Variants in MEIS2 observed in about 807,000 individuals in gnomAD.
MEIS2 encodes the protein homeobox protein Meis2.
In MEIS2, 9 loss-of-function variants were observed where a neutral mutation model predicts 58.6. The observed-to-expected ratio is 0.15, with a 90% CI of 0.09 to 0.27. The LOEUF (loss-of-function observed/expected upper bound fraction) is 0.27, where lower values mean the gene tolerates loss of function less well. Among genes scored for constraint, MEIS2 ranks in the 10% least tolerant of loss-of-function variants. The pLI is 1.00. For synonymous variants in MEIS2, 221 were observed against 228.4 expected (o/e 0.97, Z 0.29); for missense variants, 427 against 635.0 (o/e 0.67, Z 3.52).
chr15:37,027,890 C>T (rs1202309615), intron 8 of MEIS2, among the ~76,000 whole-genome samples: 1 of 152,058 alleles, frequency 6.6e-6, no homozygotes, highest in Non-Finnish European at 1.5e-5. Flanking sequence ...TATCAACACC[C>T]CCTACCGGAG....
chr15:37,070,173 T>C (rs1224823511), intron 7 of MEIS2, among the ~76,000 whole-genome samples: 2 of 152,122 alleles, frequency 1.3e-5, no homozygotes, highest in Non-Finnish European at 2.9e-5. Context: ...CAATGAAGAA[T>C]AACTACATGG....
chr15:37,025,591 CA>C (rs1035178174), intron 8 of MEIS2, among the ~76,000 whole-genome samples: 1 of 151,864 alleles, frequency 6.6e-6, no homozygotes, highest in African/African-American at 2.4e-5. Flanking sequence ...CACAGAGGTC[CA>C]ACCATAGAGT....
chr15:36,903,071 C>G (rs987773481), intron 9 of MEIS2, among the ~76,000 whole-genome samples: 1 of 152,052 alleles, frequency 6.6e-6, no homozygotes, highest in Non-Finnish European at 1.5e-5. Flanking sequence ...ACTGTAGGGA[C>G]CTTTTAATTA....
intron 8 of MEIS2, among the ~76,000 whole-genome samples, chr15:36,986,668 G>A (rs2060102812): frequency 6.6e-6 from 1 of 152,186 alleles, no homozygotes; most frequent in African/African-American, 2.4e-5. Context: ...AGAGGACCGA[G>A]TCCCAACTCC....
chr15:36,940,658 T>C (rs2058342914), intron 9 of MEIS2, among the ~76,000 whole-genome samples: 1 of 152,142 alleles, frequency 6.6e-6, no homozygotes, highest in Admixed American at 6.5e-5. Flanking sequence ...GTAATGAGAA[T>C]AGAGCCAGGG....
intron 7 of MEIS2, among the ~76,000 whole-genome samples, chr15:37,071,881 T>C (rs939713433): frequency 1.3e-5 from 2 of 152,128 alleles, no homozygotes; most frequent in African/African-American, 4.8e-5. Context: ...TTGACAACTT[T>C]GCATGTGCAA....
intron 8 of MEIS2, among the ~76,000 whole-genome samples, chr15:37,001,002 A>G (rs1451321106): frequency 6.6e-6 from 1 of 152,010 alleles, no homozygotes; most frequent in Non-Finnish European, 1.5e-5. Flanking sequence ...TGACTTCCTC[A>G]CGACCAAATT....
Position 36,892,350 on chromosome 15 carries a change from T to C in MEIS2, c.1257A>G (p.Leu419=). 6.2e-7 allele frequency: 1 copy of C among 1,613,844 alleles called. No homozygotes were observed. Residue 419 remains leucine (L), a synonymous_variant, in exon 12 of 12, where the codon TTA becomes TTG. Transcript: ENST00000561208. ...PPQMTPHPTQ[L]RHGPPMHSYL... ...ATGAATGCATTGGGGGTCCATGTCTTAATTGAGTAGGGTGTGGGGTCATCT... is the reference window on the plus strand; with the variant it reads ...ATGAATGCATTGGGGGTCCATGTCTCAATTGAGTAGGGTGTGGGGTCATCT...
chr15:36,904,087 C>A (rs1205222913), intron 9 of MEIS2: 3 of 152,184 alleles, frequency 2.0e-5, no homozygotes, highest in African/African-American at 7.2e-5. Context: ...GCAAAAATGT[C>A]ACTCCTTTGA....
At chr15:37,018,440 A>T (rs2141664058) in intron 8 of MEIS2, among the ~76,000 whole-genome samples, 1 of 152,328 alleles carries the variant, frequency 6.6e-6, no homozygotes, top group East Asian at 1.9e-4. Context: ...ATATTATGCA[A>T]CTTCAATCTA....
intron 3 of MEIS2, 175 bp from the exon 4 acceptor site, chr15:37,095,789 A>C (rs191242465): frequency 2.3e-6 from 2 of 883,206 alleles, no homozygotes; most frequent in Non-Finnish European, 3.4e-6. Context: ...GAATCAGGGC[A>C]TTCTGGTCCT....
rs577493199 is a variant in MEIS2 at position 36,991,790 on chromosome 15, T to TC, written c.901-41391_901-41390insG. ...AATTTTCTTTTTTTTTTTCTTTTTT[T>TC]TTTTTTTTTTTTTTTGAGACGGAGT... On this transcript the variant is annotated intron_variant, in intron 8 of 11. Transcript: ENST00000561208. Among the ~76,000 whole-genome samples, 62 of 120,564 alleles carry TC rather than the reference T, an allele frequency of 5.1e-4. 1 individual carries two copies. In the South Asian group the frequency reaches 0.013, roughly 25 times the overall value. 79.1% of individuals were successfully genotyped at this position (120,564 alleles called of 152,430 possible). A position where few individuals can be genotyped will look rare whatever the true frequency, so the allele number is the denominator to read the frequency against.
intron 9 of MEIS2, among the ~76,000 whole-genome samples, chr15:36,945,500 C>A (rs902686949): frequency 7.2e-5 from 11 of 152,052 alleles, no homozygotes; most frequent in African/African-American, 2.7e-4. Flanking sequence ...GGTTAATGAG[C>A]CTTCCTGAAG....
intron 7 of MEIS2, among the ~76,000 whole-genome samples, chr15:37,056,077 G>C (rs555390335): frequency 6.6e-6 from 1 of 152,262 alleles, no homozygotes; most frequent in East Asian, 1.9e-4. Context: ...GGATGAGCCC[G>C]AGGAAGAAAA....
intron 9 of MEIS2, among the ~76,000 whole-genome samples, chr15:36,920,645 T>G (rs551484093): frequency 6.6e-6 from 1 of 152,218 alleles, no homozygotes; most frequent in Non-Finnish European, 1.5e-5. Flanking sequence ...CATGCTTCCT[T>G]TGGCAGATAA....
At position 37,049,022 on chromosome 15, in the gene MEIS2, C is replaced by T. The variant is rs1002761846; in HGVS notation, c.755-12063G>A. On this transcript the variant is annotated intron_variant, in intron 7 of 11. Coordinates refer to ENST00000561208, the MANE Select transcript of MEIS2 (RefSeq NM_170675.5). ...TTTAAGAAGTTTATAAATTAAATTG[C>T]TAGCACTTTAAAAGTAAAGTGATGC... 3.3e-5 allele frequency among the ~76,000 whole-genome samples: 5 copies of T among 152,254 alleles called. No homozygotes were observed. In the East Asian group the frequency reaches 5.8e-4, roughly 18 times the overall value.
At chr15:36,894,704 C>T (rs1056090568) in intron 11 of MEIS2, 7 of 1,589,988 alleles carry the variant, frequency 4.4e-6, no homozygotes, top group East Asian at 2.2e-5. Flanking sequence ...AGATCGCACC[C>T]GACTGTACTT....
chr15:37,053,549 A>G (rs148250851), intron 7 of MEIS2, among the ~76,000 whole-genome samples: 37 of 152,290 alleles, frequency 2.4e-4, no homozygotes, highest in African/African-American at 7.7e-4. Context: ...TCAACTATTT[A>G]TATTCTGAGT....
At chr15:37,041,548 A>G (rs1259814982) in intron 7 of MEIS2, among the ~76,000 whole-genome samples, 3 of 152,202 alleles carry the variant, frequency 2.0e-5, no homozygotes, top group South Asian at 2.1e-4. Context: ...TAGCTCCAGC[A>G]TACACCTACT....
Sources: allele counts gnomAD v4.1 joint callset (sites outside exome capture counted in the v4.1 genomes callset), GRCh38; gene constraint gnomAD v4.1.1; transcripts MANE v1.5; gene names NCBI Gene and HGNC (gene_info 2026-07-23, HGNC 2026-07-21).